RNFT2: variants seen among roughly 807,000 people sequenced by gnomAD.
The protein encoded by RNFT2 is E3 ubiquitin-protein ligase RNFT2.
In RNFT2, 36 loss-of-function variants were observed where a neutral mutation model predicts 53.0. The observed-to-expected ratio is 0.68, with a 90% CI of 0.52 to 0.90. The LOEUF is 0.90. RNFT2 is among the 40% of genes least tolerant of loss of function. The pLI is 0.00. For synonymous variants in RNFT2, 260 were observed against 253.2 expected (o/e 1.03, Z -0.26); for missense variants, 514 against 585.6 (o/e 0.88, Z 1.26).
intron 7 of RNFT2, among the ~76,000 whole-genome samples, chr12:116,823,603 G>GA (rs1157048325): frequency 6.6e-6 from 1 of 152,170 alleles, no homozygotes; most frequent in Non-Finnish European, 1.5e-5. Flanking sequence ...AGAATTGCTT[G>GA]AACCCGGAAG....
chr12:116,740,351 A>C lies in RNFT2; in HGVS notation c.-147A>C. ...GGTGTTCTGTTCCATCCAGGTTTGG[A>C]GTCTCTGGCAAGCTCCCCTGACTGT... On this transcript the variant is annotated 5_prime_UTR_variant, in exon 2 of 11. Coordinates refer to ENST00000257575, the MANE Select transcript of RNFT2 (RefSeq NM_001382266.1). The C allele has an allele frequency of 1.4e-6, 1 of 700,464 alleles. No individual in the cohort carries two copies. Among genetic ancestry groups the C allele is most frequent in the Admixed American group, 2.2e-5 (1 of 44,576 alleles). The allele number at this position is 700,464 out of a possible 1,614,324, so 43.4% of individuals were successfully genotyped here.
chr12:116,738,499 C>G (rs545567513), intron 1 of RNFT2, 129 bp downstream of exon 1: 4 of 152,202 alleles, frequency 2.6e-5, no homozygotes, highest in African/African-American at 9.6e-5. Flanking sequence ...CGACGTTGTT[C>G]CCGAAGTGCA....
At position 116,853,266 on chromosome 12, in the gene RNFT2, A is replaced by C. The variant is rs1878013274; in HGVS notation, c.*3818A>C. Reference sequence around the variant, plus strand: ...CAACTCATTTGTTGTAAGTAGGGTTAATCGAGTATCAGGTTCACAGTATCC... The same window carrying C: ...CAACTCATTTGTTGTAAGTAGGGTTCATCGAGTATCAGGTTCACAGTATCC... On this transcript the variant is annotated 3_prime_UTR_variant, in exon 11 of 11. Coordinates refer to ENST00000257575, the MANE Select transcript of RNFT2 (RefSeq NM_001382266.1). 1 of 398,732 alleles carries C rather than the reference A, an allele frequency of 2.5e-6. No homozygotes were observed. The highest frequency in any genetic ancestry group is 3.6e-5 in the East Asian group (1 of 28,076). The allele number at this position is 398,732 out of a possible 1,614,324, so 24.7% of individuals were successfully genotyped here. A position where few individuals can be genotyped will look rare whatever the true frequency, so the allele number is the denominator to read the frequency against.
At position 116,750,165 on chromosome 12, in the gene RNFT2, G is replaced by A. The variant is rs760383329; in HGVS notation, c.408G>A (p.Gly136=). The change falls in exon 4 of 11, where the codon GGG becomes GGA. Residue 136 remains glycine (G), a synonymous_variant. Coordinates refer to ENST00000257575, the MANE Select transcript of RNFT2 (RefSeq NM_001382266.1). ...LLQHVGGDHR[G]HSEEGGDEQP... ...AGCACGTGGGTGGGGACCACCGGGG[G>A]CACTCGGAGGAGGGAGGCGACGAGC... The A allele has an allele frequency of 4.4e-6, 7 of 1,592,090 alleles. No homozygotes were observed. In the Admixed American group the frequency reaches 6.9e-5, roughly 16 times the overall value.
rs759919442 is a variant in RNFT2 at position 116,766,875 on chromosome 12, A to G, written c.689A>G (p.Tyr230Cys). ...ILAFLAGNTL[Y>C]VLYTFSSQQL... Reference sequence around the variant, plus strand: ...GCCTTTCTGGCGGGGAACACCCTCTATGTGCTTTATACATTCAGCTCCCAG... The same window carrying G: ...GCCTTTCTGGCGGGGAACACCCTCTGTGTGCTTTATACATTCAGCTCCCAG... The change falls in exon 6 of 11, where the codon TAT (tyrosine) becomes TGT (cysteine). Residue 230 changes from tyrosine (Y) to cysteine (C), a missense_variant. Coordinates refer to ENST00000257575, the MANE Select transcript of RNFT2 (RefSeq NM_001382266.1). The G allele has an allele frequency of 1.6e-5, 26 of 1,595,472 alleles. No individual in the cohort carries two copies. Among genetic ancestry groups the G allele is most frequent in the East Asian group, 4.5e-5 (2 of 44,296 alleles).
At chr12:116,770,861 T>C (rs974420789) in intron 6 of RNFT2, among the ~76,000 whole-genome samples, 2 of 152,146 alleles carry the variant, frequency 1.3e-5, no homozygotes, top group Non-Finnish European at 2.9e-5. Flanking sequence ...GCTTTTTCTT[T>C]TTTCATTCAT....
At chr12:116,848,700 C>T (rs1877742669) in intron 10 of RNFT2, among the ~76,000 whole-genome samples, 1 of 152,190 alleles carries the variant, frequency 6.6e-6, no homozygotes, top group Non-Finnish European at 1.5e-5. Flanking sequence ...CATCAGGGCT[C>T]ACTCCTCACT....
rs7964246 is a variant in RNFT2 at position 116,818,298 on chromosome 12, G to C, written c.883-15494G>C. Among the ~76,000 whole-genome samples the C allele has an allele frequency of 9.2e-3, 1,365 of 148,786 alleles. 22 individuals carry two copies. Among genetic ancestry groups the C allele is most frequent in the African/African-American group, 0.033 (1,309 of 39,986 alleles). ...AGATCGCACCACTGCACTCCAGCCT[G>C]GGTGACAGTGAGGCCCTATCTCAAA... On this transcript the variant is annotated intron_variant, in intron 7 of 10. Coordinates refer to ENST00000257575, the MANE Select transcript of RNFT2 (RefSeq NM_001382266.1).
At chr12:116,843,243 A>G (rs1365174244) in intron 10 of RNFT2, among the ~76,000 whole-genome samples, 1 of 152,128 alleles carries the variant, frequency 6.6e-6, no homozygotes, top group African/African-American at 2.4e-5. Flanking sequence ...CTGTAATCCC[A>G]GCATTTTGGG....
chr12:116,823,240 A>G (rs761277008), intron 7 of RNFT2, among the ~76,000 whole-genome samples: 1 of 152,168 alleles, frequency 6.6e-6, no homozygotes, highest in Non-Finnish European at 1.5e-5. Context: ...AGAATGGCGG[A>G]GCTGGGTCAA....
chr12:116,790,248 G>A (rs1232009173), intron 7 of RNFT2, among the ~76,000 whole-genome samples: 1 of 152,150 alleles, frequency 6.6e-6, no homozygotes, highest in East Asian at 1.9e-4. Context: ...CATTTATTAT[G>A]AGGCAATGTG....
rs539626685 is a variant in RNFT2, at chr12:116,853,137, T to C, written c.*3689T>C. 172 of 413,458 alleles carry C rather than the reference T, an allele frequency of 4.2e-4. No homozygotes were observed. Among genetic ancestry groups the C allele is most frequent in the Middle Eastern group, 3.7e-3 (6 of 1,642 alleles). 25.6% of individuals were successfully genotyped at this position (413,458 alleles called of 1,614,324 possible). On this transcript the variant is annotated 3_prime_UTR_variant, in exon 11 of 11. Transcript: ENST00000257575. ...GGAAAACAGTGTCTGATGAGGAGTGTTTCCAACACAGGCTACATGAATTCC... is the reference window on the plus strand; with the variant it reads ...GGAAAACAGTGTCTGATGAGGAGTGCTTCCAACACAGGCTACATGAATTCC...
chr12:116,741,478 G>A (rs1034974306), intron 3 of RNFT2, among the ~76,000 whole-genome samples: 1 of 152,168 alleles, frequency 6.6e-6, no homozygotes, highest in Non-Finnish European at 1.5e-5. Flanking sequence ...CAGTGTCTGC[G>A]AAAGGCCCAC....
chr12:116,841,858 A>AAT (rs1381874005), intron 10 of RNFT2, among the ~76,000 whole-genome samples: 269 of 24,182 alleles, frequency 0.011, 3 homozygotes, highest in Non-Finnish European at 0.02. Context: ...TATATATAAA[A>AAT]ATATATATAT....
In RNFT2 at chr12:116,851,686, A is replaced by G. The variant is rs1383857126; in HGVS notation, c.*2238A>G. 4.6e-6 allele frequency: 3 copies of G among 651,954 alleles called. No homozygotes were observed. The highest frequency in any genetic ancestry group is 8.2e-6 in the Non-Finnish European group (3 of 365,150). 40.4% of individuals were successfully genotyped at this position (651,954 alleles called of 1,614,324 possible). A position where few individuals can be genotyped will look rare whatever the true frequency, so the allele number is the denominator to read the frequency against. ...AACTCGGGAGGTGAAAGTTGCAGTG[A>G]GCCGAGATTGCACCACAGCACTCCA... On this transcript the variant is annotated 3_prime_UTR_variant, in exon 11 of 11. Transcript: ENST00000257575.
At chr12:116,766,959 T>C in intron 6 of RNFT2, 45 bp downstream of exon 6, 1 of 1,387,894 alleles carries the variant, frequency 7.2e-7, no homozygotes, top group Non-Finnish European at 1.0e-6. Context: ...GTGGGGCACT[T>C]GGCTGGGCTT....
chr12:116,743,247 GGT>G (rs1871727116), intron 3 of RNFT2, among the ~76,000 whole-genome samples: 1 of 61,580 alleles, frequency 1.6e-5, no homozygotes, highest in Non-Finnish European at 3.2e-5. Flanking sequence ...AAAAAAAACC[GGT>G]TAAAAAACAC....
intron 6 of RNFT2, among the ~76,000 whole-genome samples, chr12:116,771,099 C>G (rs1039492551): frequency 6.6e-6 from 1 of 152,068 alleles, no homozygotes; most frequent in Non-Finnish European, 1.5e-5. Flanking sequence ...AATATTTGCT[C>G]TCTGTTTTTA....
intron 3 of RNFT2, among the ~76,000 whole-genome samples, chr12:116,745,766 A>G (rs1433044986): frequency 2.0e-5 from 3 of 152,246 alleles, no homozygotes; most frequent in Admixed American, 6.5e-5. Context: ...CAGAGCGTTT[A>G]GTATGCCTGT....
Sources: allele counts gnomAD v4.1 joint callset (sites outside exome capture counted in the v4.1 genomes callset), GRCh38; gene constraint gnomAD v4.1.1; transcripts MANE v1.5; gene names NCBI Gene and HGNC (gene_info 2026-07-23, HGNC 2026-07-21).